Variants in ZNF385D observed in about 807,000 individuals in gnomAD.
ZNF385D encodes zinc finger protein 385D.
In ZNF385D, 15 loss-of-function variants were observed where a neutral mutation model predicts 35.8. That is an observed-to-expected ratio of 0.42 (90% CI 0.28 to 0.64). The LOEUF is 0.64. Ranked by LOEUF, ZNF385D falls within the 30% of genes least tolerant of loss-of-function variation. The probability of loss-of-function intolerance (pLI) is 0.23; values close to 1 mark genes in which losing one functional copy is unlikely to be tolerated. For synonymous variants in ZNF385D, 212 were observed against 186.8 expected (o/e 1.13, Z -1.10); for missense variants, 474 against 494.6 (o/e 0.96, Z 0.39).
At chr3:21,845,512 C>A (rs191683959) in intron 3 of ZNF385D, among the ~76,000 whole-genome samples, 3 of 149,988 alleles carry the variant, frequency 2.0e-5, no homozygotes, top group East Asian at 3.9e-4. Flanking sequence ...AATAAATTTT[C>A]TCTGTGTTAT....
In ZNF385D at chr3:22,248,841, T is replaced by C. The variant is rs181968035; in HGVS notation, c.107-79806A>G. On this transcript the variant is annotated intron_variant, in intron 2 of 5. Coordinates refer to the ZNF385D transcript ENST00000494108. Reference sequence around the variant, plus strand: ...GACCTTTATAGCACATCAGAAGTGATGCTCTACTCTTCAGATGAGGTAATA... The same window carrying C: ...GACCTTTATAGCACATCAGAAGTGACGCTCTACTCTTCAGATGAGGTAATA... Among the ~76,000 whole-genome samples, 613 of 152,258 alleles carry C rather than the reference T, an allele frequency of 4.0e-3. 4 individuals are homozygous for C. The South Asian group carries it at 0.042, about 10-fold the overall frequency.
At chr3:21,555,038 A>C (rs538803288) in intron 3 of ZNF385D, among the ~76,000 whole-genome samples, 1 of 152,258 alleles carries the variant, frequency 6.6e-6, no homozygotes, top group Non-Finnish European at 1.5e-5. Flanking sequence ...AATTACCTTC[A>C]AGAACTTTTA....
At chr3:22,181,697 CAAAAAA>C (rs71620745) in intron 2 of ZNF385D, among the ~76,000 whole-genome samples, 1 of 83,700 alleles carries the variant, frequency 1.2e-5, no homozygotes. Flanking sequence ...GACTCCGTCT[CAAAAAA>C]AAAAAAAAAA....
intron 3 of ZNF385D, among the ~76,000 whole-genome samples, chr3:21,803,043 G>A (rs558297333): frequency 6.6e-6 from 1 of 152,278 alleles, no homozygotes; most frequent in Non-Finnish European, 1.5e-5. Flanking sequence ...TATGTTAAGA[G>A]TTTGTCTAAC....
chr3:22,248,590 A>C (rs1000587906), intron 2 of ZNF385D, among the ~76,000 whole-genome samples: 4 of 152,066 alleles, frequency 2.6e-5, no homozygotes, highest in African/African-American at 9.7e-5. Flanking sequence ...TTGGATTTTG[A>C]TTCTGGTTTT....
chr3:22,026,917 T>C (rs1302129252), intron 3 of ZNF385D, among the ~76,000 whole-genome samples: 11 of 152,192 alleles, frequency 7.2e-5, no homozygotes, highest in Admixed American at 6.5e-4. Context: ...TGGATTATTG[T>C]AAGATTAACC....
intron 2 of ZNF385D, among the ~76,000 whole-genome samples, chr3:22,228,502 C>T (rs1163779871): frequency 2.0e-5 from 3 of 152,274 alleles, no homozygotes; most frequent in East Asian, 3.9e-4. Flanking sequence ...CTGCCACTCC[C>T]CATAATACCA....
At chr3:21,892,731 A>C (rs1698936273) in intron 3 of ZNF385D, among the ~76,000 whole-genome samples, 1 of 152,096 alleles carries the variant, frequency 6.6e-6, no homozygotes, top group African/African-American at 2.4e-5. Flanking sequence ...CTTTTACCTC[A>C]ATTGGTCTAT....
chr3:22,056,429 A>G (rs910248249), intron 3 of ZNF385D, among the ~76,000 whole-genome samples: 1 of 152,192 alleles, frequency 6.6e-6, no homozygotes, highest in African/African-American at 2.4e-5. Context: ...AATTCCATCA[A>G]GGATCATTTA....
At chr3:22,284,070 C>G (rs1040670453) in intron 2 of ZNF385D, among the ~76,000 whole-genome samples, 1 of 152,102 alleles carries the variant, frequency 6.6e-6, no homozygotes, top group Non-Finnish European at 1.5e-5. Context: ...AACATTGGAC[C>G]TCATTTTATA....
At chr3:22,296,984 A>AT (rs532221939) in intron 2 of ZNF385D, among the ~76,000 whole-genome samples, 33 of 152,008 alleles carry the variant, frequency 2.2e-4, no homozygotes, top group Non-Finnish European at 4.4e-4. Flanking sequence ...TTGCCCTAAC[A>AT]TTTTCAGGGC....
chr3:22,282,038 G>A (rs904956177), intron 2 of ZNF385D, among the ~76,000 whole-genome samples: 1 of 151,964 alleles, frequency 6.6e-6, no homozygotes, highest in Non-Finnish European at 1.5e-5. Context: ...GCGTGTAAAG[G>A]TGTTTATAGT....
chr3:22,182,592 A>G (rs1301255281), intron 2 of ZNF385D, among the ~76,000 whole-genome samples: 1 of 152,038 alleles, frequency 6.6e-6, no homozygotes, highest in Non-Finnish European at 1.5e-5. Flanking sequence ...ATGTATCACT[A>G]TCGAATTTGA....
chr3:21,649,397 C>A (rs907536311), intron 2 of ZNF385D, among the ~76,000 whole-genome samples: 3 of 151,972 alleles, frequency 2.0e-5, no homozygotes, highest in African/African-American at 7.2e-5. Context: ...AGATTGATGT[C>A]CCCAGGAACT....
At chr3:22,129,777 G>A (rs767127712) in intron 3 of ZNF385D, among the ~76,000 whole-genome samples, 13 of 152,142 alleles carry the variant, frequency 8.5e-5, no homozygotes, top group Non-Finnish European at 1.9e-4. Context: ...AGGAGCTAAA[G>A]CCTGGAAGTA....
At chr3:22,108,349 A>AT (rs373892207) in intron 3 of ZNF385D, among the ~76,000 whole-genome samples, 3 of 151,702 alleles carry the variant, frequency 2.0e-5, no homozygotes, top group Admixed American at 6.6e-5. Flanking sequence ...AACTATACAT[A>AT]TAATGAAAGG....
intron 3 of ZNF385D, among the ~76,000 whole-genome samples, chr3:21,989,540 G>C (rs1394014111): frequency 2.0e-5 from 3 of 152,028 alleles, no homozygotes; most frequent in Non-Finnish European, 4.4e-5. Flanking sequence ...TTTGGACTTG[G>C]AACAAATATT....
chr3:22,060,229 C>A (rs1699622021), intron 3 of ZNF385D, among the ~76,000 whole-genome samples: 1 of 152,128 alleles, frequency 6.6e-6, no homozygotes, highest in African/African-American at 2.4e-5. Flanking sequence ...TCTTGTCAGC[C>A]TTCATAATTA....
At chr3:22,015,797 G>C (rs907201815) in intron 3 of ZNF385D, among the ~76,000 whole-genome samples, 2 of 152,084 alleles carry the variant, frequency 1.3e-5, no homozygotes, top group Admixed American at 6.5e-5. Flanking sequence ...GACTGGCTTG[G>C]ATTCATGCTT....
Sources: allele counts gnomAD v4.1 joint callset (sites outside exome capture counted in the v4.1 genomes callset), GRCh38; gene constraint gnomAD v4.1.1; transcripts MANE v1.5; gene names NCBI Gene and HGNC (gene_info 2026-07-23, HGNC 2026-07-21).